The following CSMD1 variants were observed in gnomAD, a reference collection of about 807,000 sequenced individuals.
The protein encoded by CSMD1 is CUB and sushi domain-containing protein 1.
A neutral mutation model predicts 417.5 loss-of-function variants in CSMD1; 213 were observed. The observed-to-expected ratio is 0.51, with a 90% confidence interval of 0.46 to 0.57. The LOEUF is 0.57. Ranked by LOEUF, CSMD1 falls within the 20% of genes least tolerant of loss-of-function variation. The pLI, the probability that CSMD1 is intolerant of heterozygous loss-of-function variation, is 0.00. For missense variants in CSMD1, 6,923 were observed against 4,529.7 expected, an observed-to-expected ratio of 1.53 and a Z score of -15.17; for synonymous variants, 2,862 against 1,736.8, an observed-to-expected ratio of 1.65 and a Z score of -16.11.
chr8:3,163,386 G>C (rs1288773846), intron 37 of CSMD1, among the ~76,000 whole-genome samples: 2 of 151,782 alleles, frequency 1.3e-5, no homozygotes, highest in Non-Finnish European at 2.9e-5. Context: ...GGGTGGAGGA[G>C]GTGAGTAGGA....
At chr8:3,678,114 G>A (rs1022548832) in intron 7 of CSMD1, among the ~76,000 whole-genome samples, 9 of 152,110 alleles carry the variant, frequency 5.9e-5, no homozygotes, top group African/African-American at 2.2e-4. Flanking sequence ...GAGCGACGCA[G>A]AAGACAGGTG....
intron 5 of CSMD1, among the ~76,000 whole-genome samples, chr8:3,895,680 C>G (rs570592081): frequency 6.6e-6 from 1 of 152,076 alleles, no homozygotes; most frequent in African/African-American, 2.4e-5. Context: ...TATTTATAAT[C>G]CAAGTATTTG....
chr8:4,372,268 C>G (rs1802441864), intron 3 of CSMD1, among the ~76,000 whole-genome samples: 1 of 152,118 alleles, frequency 6.6e-6, no homozygotes, highest in African/African-American at 2.4e-5. Context: ...CGTCGGCTCT[C>G]CATTTCATTT....
chr8:4,564,498 C>G (rs147766653), intron 2 of CSMD1, among the ~76,000 whole-genome samples: 1 of 152,218 alleles, frequency 6.6e-6, no homozygotes, highest in Admixed American at 6.5e-5. Context: ...CATTCCATGA[C>G]ATACTTTATC....
intron 3 of CSMD1, among the ~76,000 whole-genome samples, chr8:4,351,166 A>G (rs1331905111): frequency 6.6e-6 from 1 of 152,100 alleles, no homozygotes; most frequent in African/African-American, 2.4e-5. Flanking sequence ...AAAAAAAAAA[A>G]ATTAGGGAAA....
At chr8:3,833,992 C>A (rs904942851) in intron 5 of CSMD1, among the ~76,000 whole-genome samples, 4 of 152,134 alleles carry the variant, frequency 2.6e-5, no homozygotes, top group Non-Finnish European at 5.9e-5. Flanking sequence ...TTGAACACCA[C>A]TTTTCAGGTG....
At chr8:3,286,872 G>T (rs1354764247) in intron 25 of CSMD1, among the ~76,000 whole-genome samples, 2 of 151,992 alleles carry the variant, frequency 1.3e-5, no homozygotes, top group African/African-American at 4.8e-5. Context: ...CATTGCTTTT[G>T]GTGTTTTAGA....
intron 3 of CSMD1, among the ~76,000 whole-genome samples, chr8:4,188,423 G>A (rs1348782036): frequency 6.6e-6 from 1 of 152,122 alleles, no homozygotes; most frequent in African/African-American, 2.4e-5. Context: ...GATTATTTCG[G>A]CAGATACAAG....
At chr8:3,616,976 T>C (rs1220690582) in intron 7 of CSMD1, among the ~76,000 whole-genome samples, 179 bp from the exon 8 acceptor site, 5 of 128,666 alleles carry the variant, frequency 3.9e-5, no homozygotes, top group Non-Finnish European at 7.1e-5. Flanking sequence ...TTGGTGAAAA[T>C]CAAACATGTG....
chr8:4,922,363 C>T (rs886460854), intron 1 of CSMD1, among the ~76,000 whole-genome samples: 3 of 152,008 alleles, frequency 2.0e-5, no homozygotes, highest in Admixed American at 6.6e-5. Flanking sequence ...ATTATGTATG[C>T]TTATATATAG....
intron 12 of CSMD1, among the ~76,000 whole-genome samples, chr8:3,440,013 G>C (rs1020761433): frequency 8.6e-5 from 13 of 152,038 alleles, no homozygotes; most frequent in Non-Finnish European, 1.9e-4. Context: ...ATTAATCTCT[G>C]TGTCTGCCCT....
chr8:3,987,644 G>A (rs1436288046), intron 5 of CSMD1, among the ~76,000 whole-genome samples: 1 of 152,198 alleles, frequency 6.6e-6, no homozygotes, highest in East Asian at 1.9e-4. Flanking sequence ...GGGCTTTGCT[G>A]ATAAAGCAGA....
At chr8:4,310,332 C>A (rs4875324) in intron 3 of CSMD1, among the ~76,000 whole-genome samples, 2 of 151,960 alleles carry the variant, frequency 1.3e-5, no homozygotes, top group South Asian at 2.1e-4. Context: ...GGCCTCCACA[C>A]TGGAATGAAT....
intron 4 of CSMD1, among the ~76,000 whole-genome samples, chr8:4,031,319 G>T (rs1380364691): frequency 6.6e-6 from 1 of 152,184 alleles, no homozygotes; most frequent in East Asian, 1.9e-4. Flanking sequence ...AGTGGCTGGG[G>T]AAGCCTCACA....
chr8:4,923,621 A>G (rs1407411089), intron 1 of CSMD1, among the ~76,000 whole-genome samples: 1 of 152,066 alleles, frequency 6.6e-6, no homozygotes, highest in Non-Finnish European at 1.5e-5. Context: ...TACACACTAC[A>G]CTTGTATTCT....
At chr8:4,179,852 G>C (rs1015642948) in intron 3 of CSMD1, among the ~76,000 whole-genome samples, 7 of 152,174 alleles carry the variant, frequency 4.6e-5, no homozygotes, top group South Asian at 4.1e-4. Flanking sequence ...GGCCATCAGA[G>C]AAATGCAAAC....
rs146007226 is a variant in CSMD1 at position 4,824,244 on chromosome 8, A to G, written c.85+170088T>C. Among the ~76,000 whole-genome samples, 30 of 152,198 alleles carry G rather than the reference A, an allele frequency of 2.0e-4. No individual in the cohort carries two copies. In the East Asian group the frequency reaches 5.8e-3, roughly 29 times the overall value. On this transcript the variant is annotated intron_variant, in intron 1 of 69. Transcript: ENST00000635120. ...TATAGATTAGCCAAGAAAGAGGGCT[A>G]GAGATCTCAACAAGAAAATACATGA... is the stretch of plus-strand genomic sequence containing the variant.
At chr8:3,915,536 A>C (rs1476265287) in intron 5 of CSMD1, among the ~76,000 whole-genome samples, 7 of 151,940 alleles carry the variant, frequency 4.6e-5, no homozygotes, top group Non-Finnish European at 4.4e-5. Flanking sequence ...ATACGATCAA[A>C]TTCTAGCTTT....
At chr8:4,366,203 C>T (rs139185409) in intron 3 of CSMD1, among the ~76,000 whole-genome samples, 1 of 151,966 alleles carries the variant, frequency 6.6e-6, no homozygotes, top group East Asian at 1.9e-4. Context: ...CATTGCTTCA[C>T]TTAGGATAAT....
Sources: allele counts gnomAD v4.1 joint callset (sites outside exome capture counted in the v4.1 genomes callset), GRCh38; gene constraint gnomAD v4.1.1; transcripts MANE v1.5; gene names NCBI Gene and HGNC (gene_info 2026-07-23, HGNC 2026-07-21).